Variants in RALY observed in about 807,000 individuals in gnomAD.
The protein encoded by RALY is RALY heterogeneous nuclear ribonucleoprotein.
A neutral mutation model predicts 30.7 loss-of-function variants in RALY; 15 were observed. The ratio of observed to expected loss-of-function variants is 0.49; its 90% CI spans 0.33 to 0.75. RALY has a LOEUF of 0.75. Among genes scored for constraint, RALY ranks in the 30% least tolerant of loss-of-function variants. RALY has a pLI of 0.02. For synonymous variants in RALY, 177 were observed against 170.8 expected, an observed-to-expected ratio of 1.04 and a Z score of -0.28; for missense variants, 339 against 414.3, an observed-to-expected ratio of 0.82 and a Z score of 1.58.
Position 34,051,572 on chromosome 20 carries a change from G to A in RALY, c.-10+19968G>A, listed in dbSNP as rs74272059. Among the ~76,000 whole-genome samples, 207 of 152,224 alleles carry A rather than the reference G, an allele frequency of 1.4e-3. 3 individuals carry two copies. In the East Asian group the frequency reaches 0.037, roughly 27 times the overall value. On this transcript the variant is annotated intron_variant, in intron 2 of 9. Transcript: ENST00000246194. ...CATAGGATAGCGTTTTCAGTATATT[G>A]CACTCTGAGTCTTTGAAATTTGATA...
intron 8 of RALY, among the ~76,000 whole-genome samples, chr20:34,078,178 C>G (rs1261387776): frequency 6.6e-6 from 1 of 152,240 alleles, no homozygotes; most frequent in Non-Finnish European, 1.5e-5. Flanking sequence ...CTAACAAAGA[C>G]TTGGATGCCC....
At chr20:34,018,409 C>A (rs1302837577) in intron 1 of RALY, among the ~76,000 whole-genome samples, 1 of 152,194 alleles carries the variant, frequency 6.6e-6, no homozygotes, top group Non-Finnish European at 1.5e-5. Flanking sequence ...CTGGCCCAGG[C>A]AAATAACCTT....
chr20:34,021,038 T>G (rs1214242866), intron 1 of RALY, among the ~76,000 whole-genome samples: 5 of 152,186 alleles, frequency 3.3e-5, no homozygotes, highest in Admixed American at 2.6e-4. Flanking sequence ...CTTGGCTCAC[T>G]GCAACCTCCG....
chr20:34,040,439 C>G (rs547341364), intron 2 of RALY, among the ~76,000 whole-genome samples: 1 of 152,172 alleles, frequency 6.6e-6, no homozygotes, highest in African/African-American at 2.4e-5. Context: ...CATAAGCACT[C>G]CTGTTTGATT....
intron 2 of RALY, among the ~76,000 whole-genome samples, chr20:34,038,863 C>T (rs1192893081): frequency 6.6e-6 from 1 of 152,166 alleles, no homozygotes; most frequent in Admixed American, 6.5e-5. Flanking sequence ...CCTGGCTTGG[C>T]GTTCAATCAC....
intron 2 of RALY, among the ~76,000 whole-genome samples, chr20:34,052,458 C>T (rs1414022492): frequency 6.6e-6 from 1 of 152,168 alleles, no homozygotes; most frequent in Non-Finnish European, 1.5e-5. Context: ...CTAACTTTTT[C>T]CTAGGCCACA....
At chr20:34,051,553 A>G (rs1349133070) in intron 2 of RALY, among the ~76,000 whole-genome samples, 1 of 152,178 alleles carries the variant, frequency 6.6e-6, no homozygotes, top group Non-Finnish European at 1.5e-5. Context: ...ATCTCATAGG[A>G]TAGCGTTTTC....
chr20:34,023,074 G>T (rs1384070780), intron 1 of RALY, among the ~76,000 whole-genome samples: 1 of 152,162 alleles, frequency 6.6e-6, no homozygotes, highest in Non-Finnish European at 1.5e-5. Flanking sequence ...TCTCCAGGAT[G>T]GGCTGTGTAG....
intron 1 of RALY, among the ~76,000 whole-genome samples, chr20:34,022,595 T>C (rs1555075): frequency 0.75 from 113,496 of 152,022 alleles, 42,916 homozygotes; most frequent in African/African-American, 0.86. Flanking sequence ...TGCCACTTGA[T>C]GTCCCTATGT....
rs2122298510 is a variant in RALY, at chr20:34,073,596, G to A, written c.290G>A (p.Arg97Lys). Residue 97 changes from arginine (R) to lysine (K), a missense_variant, in exon 4 of 10, where the codon AGA (arginine) becomes AAA (lysine). By Grantham distance (26) the Arg-to-Lys change is conservative. This residue lies in a region of RALY where 71 missense variants were observed against 133.7 expected (regional missense o/e 0.53). Transcript: ENST00000246194. ...ATGGCTGGAGAGCCTAAGCCTGACA[G>A]ACCCAAGGGGCTAAAGAGAGCAGCA... is the stretch of plus-strand genomic sequence containing the variant. ...INMAGEPKPD[R>K]PKGLKRAASA... 2 of 1,606,342 alleles carry A rather than the reference G, an allele frequency of 1.2e-6. No homozygotes were observed. Among genetic ancestry groups the A allele is most frequent in the Non-Finnish European group, 1.7e-6 (2 of 1,172,890 alleles).
chr20:34,062,334 A>G (rs17091493), intron 2 of RALY, among the ~76,000 whole-genome samples: 112 of 152,256 alleles, frequency 7.4e-4, no homozygotes, highest in African/African-American at 2.4e-3. Flanking sequence ...TTTTCTACCT[A>G]GTTCATAGGA....
intron 2 of RALY, among the ~76,000 whole-genome samples, chr20:34,038,065 A>G (rs977677533): frequency 6.6e-6 from 1 of 152,258 alleles, no homozygotes; most frequent in African/African-American, 2.4e-5. Flanking sequence ...TAGCAAAGCA[A>G]TAACCTCCAG....
chr20:33,996,514 A>G (rs2030638036), intron 1 of RALY, among the ~76,000 whole-genome samples: 2 of 152,090 alleles, frequency 1.3e-5, no homozygotes, highest in South Asian at 4.2e-4. Context: ...TAGAAGAAAC[A>G]GGCTTAGAGA....
At chr20:34,050,238 A>G (rs1018312718) in intron 2 of RALY, among the ~76,000 whole-genome samples, 4 of 152,184 alleles carry the variant, frequency 2.6e-5, no homozygotes, top group African/African-American at 4.8e-5. Flanking sequence ...TGGGCTCCTG[A>G]CACCAAACAG....
intron 1 of RALY, among the ~76,000 whole-genome samples, chr20:34,024,447 T>C (rs1204688946): frequency 6.6e-6 from 1 of 152,158 alleles, no homozygotes; most frequent in East Asian, 1.9e-4. Flanking sequence ...AAAGGAGAAA[T>C]GCTGTTAGCT....
chr20:34,019,037 C>T (rs2031715423), intron 1 of RALY, among the ~76,000 whole-genome samples: 1 of 152,064 alleles, frequency 6.6e-6, no homozygotes, highest in South Asian at 2.1e-4. Flanking sequence ...AAATAGGATC[C>T]CTCGGCCGGG....
intron 1 of RALY, among the ~76,000 whole-genome samples, chr20:34,022,687 A>T (rs1456233662): frequency 6.6e-6 from 1 of 152,132 alleles, no homozygotes; most frequent in East Asian, 1.9e-4. Context: ...TGAAGGACGG[A>T]AAAAGTACCA....
chr20:34,053,729 A>C (rs1379664222), intron 2 of RALY, among the ~76,000 whole-genome samples: 2 of 152,080 alleles, frequency 1.3e-5, no homozygotes, highest in Non-Finnish European at 2.9e-5. Context: ...ATTTTAGTAC[A>C]TTCTCAGGGA....
intron 1 of RALY, chr20:34,017,341 A>T (rs879521913): frequency 3.3e-5 from 5 of 152,220 alleles, no homozygotes; most frequent in Admixed American, 6.5e-5. Context: ...TCTCTATTGT[A>T]CTATGCTATT....
Sources: allele counts gnomAD v4.1 joint callset (sites outside exome capture counted in the v4.1 genomes callset), GRCh38; gene constraint gnomAD v4.1.1; regional missense constraint gnomAD v4.1.1; transcripts MANE v1.5; gene names NCBI Gene and HGNC (gene_info 2026-07-23, HGNC 2026-07-21).